Variants in NFIB observed in about 807,000 individuals in gnomAD.
The protein encoded by NFIB is nuclear factor 1 B-type.
In NFIB, 11 loss-of-function variants were observed where a neutral mutation model predicts 61.5. The ratio of observed to expected loss-of-function variants is 0.18; its 90% CI spans 0.11 to 0.30. The LOEUF (loss-of-function observed/expected upper bound fraction) is 0.30. NFIB is among the 10% of genes least tolerant of loss of function. NFIB has a pLI of 1.00. For synonymous variants in NFIB, 260 were observed against 216.5 expected (o/e 1.20, Z -1.76); for missense variants, 471 against 608.9 (o/e 0.77, Z 2.38).
the NFIB span, among the ~76,000 whole-genome samples, chr9:14,467,916 G>A: frequency 6.6e-6 from 1 of 152,164 alleles, no homozygotes; most frequent in Admixed American, 6.5e-5. Context: ...GGTATTAAAT[G>A]GTGGAAATGA....
At chr9:14,270,845 T>G (rs989810872) in intron 2 of NFIB, among the ~76,000 whole-genome samples, 1 of 152,154 alleles carries the variant, frequency 6.6e-6, no homozygotes, top group Non-Finnish European at 1.5e-5. Context: ...ACCTATGAGT[T>G]CTGGTAAATG....
intron 2 of NFIB, among the ~76,000 whole-genome samples, chr9:14,273,190 AT>A (rs2057753136): frequency 6.6e-6 from 1 of 152,134 alleles, no homozygotes; most frequent in Non-Finnish European, 1.5e-5. Flanking sequence ...ACTCTTTTTA[AT>A]AAGTACATTT....
the NFIB span, among the ~76,000 whole-genome samples, chr9:14,428,427 T>TC: frequency 6.6e-6 from 1 of 152,144 alleles, no homozygotes; most frequent in East Asian, 1.9e-4. Flanking sequence ...AAGCTAGCTG[T>TC]ATCTAGGATT....
At chr9:14,292,730 ATC>A (rs2059185370) in intron 2 of NFIB, among the ~76,000 whole-genome samples, 1 of 152,216 alleles carries the variant, frequency 6.6e-6, no homozygotes, top group Non-Finnish European at 1.5e-5. Context: ...CGTAGAGTGA[ATC>A]TCTACATCAG....
intron 1 of NFIB, among the ~76,000 whole-genome samples, chr9:14,379,484 CCA>C (rs1242692694): frequency 3.9e-5 from 6 of 152,118 alleles, no homozygotes; most frequent in Non-Finnish European, 8.8e-5. Context: ...GAAAATTCCC[CCA>C]CTTACTCGCT....
intron 2 of NFIB, among the ~76,000 whole-genome samples, chr9:14,272,786 T>A (rs940710533): frequency 1.1e-4 from 17 of 151,826 alleles, no homozygotes; most frequent in Non-Finnish European, 2.9e-5. Flanking sequence ...GCTACATTTT[T>A]AAATCCTTTG....
At chr9:14,273,027 T>C (rs2057740459) in intron 2 of NFIB, among the ~76,000 whole-genome samples, 1 of 152,118 alleles carries the variant, frequency 6.6e-6, no homozygotes, top group Non-Finnish European at 1.5e-5. Flanking sequence ...TAAGATTATA[T>C]TGAGAGTGTC....
chr9:14,262,329 T>C (rs1388145299), intron 2 of NFIB, among the ~76,000 whole-genome samples: 2 of 152,238 alleles, frequency 1.3e-5, no homozygotes, highest in Non-Finnish European at 2.9e-5. Flanking sequence ...CAATTAGTTT[T>C]CACAGGTGGC....
chr9:14,411,582 T>C, the NFIB span, among the ~76,000 whole-genome samples: 1 of 152,150 alleles, frequency 6.6e-6, no homozygotes, highest in Non-Finnish European at 1.5e-5. Flanking sequence ...TGTTAGTGGA[T>C]TGAGAGCTAC....
intron 2 of NFIB, among the ~76,000 whole-genome samples, chr9:14,214,939 C>A (rs113763181): frequency 3.6e-4 from 55 of 152,278 alleles, no homozygotes; most frequent in African/African-American, 1.3e-3. Flanking sequence ...ACCTATGCTT[C>A]CATGCCCATT....
Position 14,082,887 on chromosome 9 carries a change from C to T in NFIB, c.*5422G>A, listed in dbSNP as rs2032230030. On this transcript the variant is annotated 3_prime_UTR_variant, in exon 11 of 11. Transcript: ENST00000380953. ...CTGTCAAAAATACAGTAATACAAGA[C>T]TGGCTTTAGTGTCACTAGCTTACAC... 1 of 207,242 alleles carries T rather than the reference C, an allele frequency of 4.8e-6. No homozygotes were observed. Among genetic ancestry groups the T allele is most frequent in the Non-Finnish European group, 9.8e-6 (1 of 101,642 alleles). The allele number at this position is 207,242 out of a possible 1,614,324, so 12.8% of individuals were successfully genotyped here. A position where few individuals can be genotyped will look rare whatever the true frequency, so the allele number is the denominator to read the frequency against.
At chr9:14,527,545 T>C in the NFIB span, among the ~76,000 whole-genome samples, 1 of 152,226 alleles carries the variant, frequency 6.6e-6, no homozygotes, top group Admixed American at 6.5e-5. Flanking sequence ...CTTTCATTAA[T>C]ATGATGTCGA....
At chr9:14,200,620 T>C (rs1475630009) in intron 2 of NFIB, among the ~76,000 whole-genome samples, 2 of 152,140 alleles carry the variant, frequency 1.3e-5, no homozygotes, top group African/African-American at 4.8e-5. Flanking sequence ...TCCCTTTTCC[T>C]TTAGGGCACC....
At chr9:14,320,286 C>T (rs1176939554) in intron 1 of NFIB, among the ~76,000 whole-genome samples, 1 of 152,190 alleles carries the variant, frequency 6.6e-6, no homozygotes, top group Non-Finnish European at 1.5e-5. Context: ...AAAACGTTTT[C>T]CCAGTGCACA....
intron 2 of NFIB, among the ~76,000 whole-genome samples, chr9:14,277,965 T>G (rs1342660606): frequency 7.9e-5 from 12 of 152,188 alleles, no homozygotes; most frequent in Admixed American, 6.5e-4. Context: ...ACAAAGATGT[T>G]TCTGTCTCCT....
At chr9:14,516,252 T>A in the NFIB span, among the ~76,000 whole-genome samples, 1 of 152,146 alleles carries the variant, frequency 6.6e-6, no homozygotes, top group Non-Finnish European at 1.5e-5. Flanking sequence ...GTTGAATCTT[T>A]TTATTATTAT....
chr9:14,490,769 C>T, the NFIB span, among the ~76,000 whole-genome samples: 3 of 152,172 alleles, frequency 2.0e-5, no homozygotes, highest in Non-Finnish European at 4.4e-5. Context: ...CTATCCAACG[C>T]TACCACGCAC....
chr9:14,333,429 C>T (rs970701728), intron 1 of NFIB, among the ~76,000 whole-genome samples: 5 of 152,136 alleles, frequency 3.3e-5, no homozygotes, highest in African/African-American at 7.2e-5. Context: ...TCCTCCCACT[C>T]AACAGAGTGG....
At chr9:14,346,620 T>G (rs2061026266) in intron 1 of NFIB, among the ~76,000 whole-genome samples, 1 of 152,158 alleles carries the variant, frequency 6.6e-6, no homozygotes, top group Non-Finnish European at 1.5e-5. Context: ...GTTGGCTTGC[T>G]GGTTTGAAAG....
Sources: allele counts gnomAD v4.1 joint callset (sites outside exome capture counted in the v4.1 genomes callset), GRCh38; gene constraint gnomAD v4.1.1; transcripts MANE v1.5; gene names NCBI Gene and HGNC (gene_info 2026-07-23, HGNC 2026-07-21).